Variants in THSD7A observed in about 807,000 individuals in gnomAD.
THSD7A encodes thrombospondin type 1 domain containing 7A.
THSD7A carries 96 observed loss-of-function variants against 231.3 expected under a neutral mutation model. That is an observed-to-expected ratio of 0.41 (90% CI 0.35 to 0.49). THSD7A has a LOEUF of 0.49. THSD7A is among the 20% of genes least tolerant of loss of function. The pLI, the probability that THSD7A is intolerant of heterozygous loss-of-function variation, is 0.05. For synonymous variants in THSD7A, 940 were observed against 743.3 expected (o/e 1.26, Z -4.30); for missense variants, 2,290 against 2,070.2 (o/e 1.11, Z -2.06).
chr7:11,721,268 A>G (rs536539420), intron 1 of THSD7A, among the ~76,000 whole-genome samples: 1 of 151,914 alleles, frequency 6.6e-6, no homozygotes, highest in African/African-American at 2.4e-5. Context: ...TCAAATTGTA[A>G]TCCCCAATGT....
At chr7:11,589,245 C>T (rs561788096) in intron 4 of THSD7A, among the ~76,000 whole-genome samples, 28 of 152,166 alleles carry the variant, frequency 1.8e-4, no homozygotes, top group African/African-American at 6.7e-4. Flanking sequence ...CCAATCCTTT[C>T]CTCTCATCTC....
chr7:11,784,631 T>C (rs921801874), intron 1 of THSD7A, among the ~76,000 whole-genome samples: 9 of 152,116 alleles, frequency 5.9e-5, no homozygotes, highest in African/African-American at 1.9e-4. Flanking sequence ...GTACTTGGTC[T>C]TCTTGAGTAG....
chr7:11,667,082 G>C (rs1783164449), intron 1 of THSD7A, among the ~76,000 whole-genome samples: 2 of 151,768 alleles, frequency 1.3e-5, no homozygotes, highest in Admixed American at 1.3e-4. Context: ...TAGTTTTGGG[G>C]GTACAGGTGG....
intron 4 of THSD7A, among the ~76,000 whole-genome samples, chr7:11,547,395 T>G (rs1789445634): frequency 6.6e-6 from 1 of 152,202 alleles, no homozygotes; most frequent in South Asian, 2.1e-4. Context: ...GTACGCTATC[T>G]TAAGAGACCA....
At chr7:11,494,741 A>C (rs954000033) in intron 6 of THSD7A, among the ~76,000 whole-genome samples, 3 of 152,004 alleles carry the variant, frequency 2.0e-5, no homozygotes, top group African/African-American at 7.2e-5. Flanking sequence ...CCCAGACTCC[A>C]AAGTCTATGT....
At chr7:11,526,975 AAAG>A (rs1583909108) in intron 6 of THSD7A, among the ~76,000 whole-genome samples, 1 of 152,218 alleles carries the variant, frequency 6.6e-6, no homozygotes, top group African/African-American at 2.4e-5. Flanking sequence ...ATGTGAAATG[AAAG>A]AATGAATGAG....
chr7:11,638,442 C>T (rs929327543), intron 1 of THSD7A, among the ~76,000 whole-genome samples: 3 of 152,028 alleles, frequency 2.0e-5, no homozygotes, highest in Admixed American at 2.0e-4. Flanking sequence ...AAAGAATGTG[C>T]CTATCATATT....
intron 6 of THSD7A, among the ~76,000 whole-genome samples, chr7:11,532,959 C>T (rs1788765252): frequency 1.3e-5 from 2 of 152,118 alleles, no homozygotes; most frequent in African/African-American, 4.8e-5. Context: ...CAGAGAAAGA[C>T]TTACGTGATT....
chr7:11,593,657 A>G (rs184511139), intron 2 of THSD7A, among the ~76,000 whole-genome samples, 155 bp from the exon 3 acceptor site: 137 of 152,322 alleles, frequency 9.0e-4, no homozygotes, highest in African/African-American at 3.1e-3. Flanking sequence ...ATGATGTGGA[A>G]AAGCAGTTAG....
chr7:11,437,542 C>T (rs1784672359), intron 13 of THSD7A, among the ~76,000 whole-genome samples: 1 of 152,020 alleles, frequency 6.6e-6, no homozygotes, highest in South Asian at 2.1e-4. Context: ...ACTGCAAAAG[C>T]AATACTCGCT....
intron 2 of THSD7A, among the ~76,000 whole-genome samples, chr7:11,615,639 T>C (rs1288687569): frequency 6.6e-6 from 1 of 152,182 alleles, no homozygotes; most frequent in African/African-American, 2.4e-5. Flanking sequence ...CATTTTATAT[T>C]ATTTATAAGT....
chr7:11,422,044 AACTATATTAGAGAT>A (rs1204965693), intron 16 of THSD7A, among the ~76,000 whole-genome samples: 4 of 152,186 alleles, frequency 2.6e-5, no homozygotes, highest in African/African-American at 9.7e-5. Context: ...GAGAAAACTG[AACTATATTAGAGAT>A]ACACGGTGTA....
chr7:11,493,016 C>A (rs1361127455), intron 6 of THSD7A, among the ~76,000 whole-genome samples: 1 of 152,078 alleles, frequency 6.6e-6, no homozygotes, highest in Non-Finnish European at 1.5e-5. Context: ...ACCTTGGGAA[C>A]CACACATGTA....
chr7:11,699,912 A>G (rs1241264997), intron 1 of THSD7A, among the ~76,000 whole-genome samples: 1 of 151,326 alleles, frequency 6.6e-6, no homozygotes, highest in East Asian at 2.0e-4. Context: ...TCTCTGTCCC[A>G]GTACGTCTTG....
chr7:11,790,823 G>T (rs993005167), intron 1 of THSD7A, among the ~76,000 whole-genome samples: 1 of 151,720 alleles, frequency 6.6e-6, no homozygotes, highest in Non-Finnish European at 1.5e-5. Flanking sequence ...AGATAGTGAG[G>T]CAACAGGTTA....
intron 1 of THSD7A, among the ~76,000 whole-genome samples, chr7:11,818,891 A>G (rs977650393): frequency 6.6e-6 from 1 of 152,142 alleles, no homozygotes; most frequent in Non-Finnish European, 1.5e-5. Flanking sequence ...TTCATTATTG[A>G]ACAATTATCT....
At chr7:11,695,925 C>T (rs772679799) in intron 1 of THSD7A, among the ~76,000 whole-genome samples, 21 of 151,490 alleles carry the variant, frequency 1.4e-4, no homozygotes, top group Admixed American at 5.9e-4. Context: ...AGATAGGAGG[C>T]TATTGCAGTG....
intron 1 of THSD7A, among the ~76,000 whole-genome samples, chr7:11,639,138 T>C (rs904429958): frequency 6.6e-6 from 1 of 152,114 alleles, no homozygotes; most frequent in Non-Finnish European, 1.5e-5. Context: ...AATTTGAAAA[T>C]ATAAGTGTCT....
At chr7:11,402,171 T>A (rs1783429132) in intron 22 of THSD7A, among the ~76,000 whole-genome samples, 1 of 152,248 alleles carries the variant, frequency 6.6e-6, no homozygotes, top group South Asian at 2.1e-4. Context: ...GTATGGCTAT[T>A]ACTGGTCTAT....
Sources: allele counts gnomAD v4.1 joint callset (sites outside exome capture counted in the v4.1 genomes callset), GRCh38; gene constraint gnomAD v4.1.1; transcripts MANE v1.5; gene names NCBI Gene and HGNC (gene_info 2026-07-23, HGNC 2026-07-21).